The following CCSER1 variants were observed in gnomAD, a reference collection of about 807,000 sequenced individuals.
CCSER1 encodes coiled-coil serine rich protein 1.
A neutral mutation model predicts 82.0 loss-of-function variants in CCSER1; 41 were observed. The ratio of observed to expected loss-of-function variants is 0.50; its 90% CI spans 0.39 to 0.65. The LOEUF (loss-of-function observed/expected upper bound fraction) is 0.65. CCSER1 is among the 30% of genes least tolerant of loss of function. The pLI, the probability that CCSER1 is intolerant of heterozygous loss-of-function variation, is 0.00. For missense variants in CCSER1, 1,119 were observed against 1,064.2 expected (o/e 1.05, Z -0.72); for synonymous variants, 414 against 383.9 (o/e 1.08, Z -0.92).
chr4:90,273,022 C>A (rs368446646), intron 1 of CCSER1, among the ~76,000 whole-genome samples: 2,745 of 146,958 alleles, frequency 0.019, 82 homozygotes, highest in African/African-American at 0.065. Context: ...AACAAACAAA[C>A]AAAAAAAAAC....
chr4:91,433,897 A>C (rs1754478986), intron 10 of CCSER1, among the ~76,000 whole-genome samples: 1 of 152,230 alleles, frequency 6.6e-6, no homozygotes, highest in South Asian at 2.1e-4. Flanking sequence ...ATCAGTGTTT[A>C]TCACAGTACC....
chr4:90,648,274 G>GAGAAAGAAAGGAA lies in CCSER1; in HGVS notation c.1932+20053_1932+20065dup, dbSNP rs1324624431. Among the ~76,000 whole-genome samples the GAGAAAGAAAGGAA allele has an allele frequency of 1.7e-4, 17 of 100,798 alleles. 2 individuals carry two copies. Among genetic ancestry groups the GAGAAAGAAAGGAA allele is most frequent in the African/African-American group, 6.3e-4 (17 of 27,084 alleles). 66.1% of individuals were successfully genotyped at this position (100,798 alleles called of 152,430 possible). ...GAAAAAAAGAAGAAAGAAAGAGAGA[G>GAGAAAGAAAGGAA]AGAAAGAAAGGAAAGAAAGAAAGAA... On this transcript the variant is annotated intron_variant, in intron 6 of 10. Transcript: ENST00000509176.
chr4:91,455,381 G>A (rs1217718658), intron 10 of CCSER1, among the ~76,000 whole-genome samples: 1 of 151,988 alleles, frequency 6.6e-6, no homozygotes, highest in Non-Finnish European at 1.5e-5. Flanking sequence ...GGGTCTTTTG[G>A]AAAATGATTA....
chr4:90,558,021 G>T (rs1441815034), intron 5 of CCSER1, among the ~76,000 whole-genome samples: 1 of 152,070 alleles, frequency 6.6e-6, no homozygotes, highest in Non-Finnish European at 1.5e-5. Context: ...TTGCTGCTAG[G>T]TAACAGATAA....
chr4:90,132,176 C>T (rs1722929263), intron 1 of CCSER1, among the ~76,000 whole-genome samples: 1 of 152,104 alleles, frequency 6.6e-6, no homozygotes. Context: ...TGGAATGATT[C>T]CCCATGTAGT....
chr4:90,177,364 G>C (rs181427741), intron 1 of CCSER1, among the ~76,000 whole-genome samples: 2 of 152,122 alleles, frequency 1.3e-5, no homozygotes, highest in East Asian at 3.9e-4. Flanking sequence ...CTTTTTATTT[G>C]AAAGATTCCT....
intron 3 of CCSER1, among the ~76,000 whole-genome samples, chr4:90,313,531 T>A (rs1255704524): frequency 6.6e-6 from 1 of 152,168 alleles, no homozygotes; most frequent in East Asian, 1.9e-4. Context: ...AGGACCAATG[T>A]GAAATGCCCA....
chr4:90,137,839 A>G (rs139556141), intron 1 of CCSER1, among the ~76,000 whole-genome samples: 1 of 152,320 alleles, frequency 6.6e-6, no homozygotes, highest in African/African-American at 2.4e-5. Context: ...ATGCTACGTT[A>G]CTTAACTGCA....
intron 1 of CCSER1, among the ~76,000 whole-genome samples, chr4:90,283,396 G>T (rs2153461697): frequency 6.6e-6 from 1 of 151,716 alleles, no homozygotes; most frequent in African/African-American, 2.4e-5. Flanking sequence ...TATTTATGGG[G>T]TACATGTGAT....
At chr4:90,448,444 AAT>A (rs70963067) in intron 4 of CCSER1, among the ~76,000 whole-genome samples, 2,768 of 43,646 alleles carry the variant, frequency 0.063, 59 homozygotes, top group East Asian at 0.17. Flanking sequence ...AGGTGAATTG[AAT>A]ATATATATAT....
intron 10 of CCSER1, among the ~76,000 whole-genome samples, chr4:91,342,973 T>C (rs1382576014): frequency 6.6e-6 from 1 of 152,100 alleles, no homozygotes; most frequent in Non-Finnish European, 1.5e-5. Context: ...TATTTTTATA[T>C]GTAAGCAAAT....
At chr4:91,328,633 C>T (rs1746730679) in intron 10 of CCSER1, among the ~76,000 whole-genome samples, 1 of 152,098 alleles carries the variant, frequency 6.6e-6, no homozygotes, top group South Asian at 2.1e-4. Context: ...TATTTGTACT[C>T]ATTAATTAAC....
At chr4:90,794,614 T>C (rs1755732373) in intron 7 of CCSER1, among the ~76,000 whole-genome samples, 2 of 152,196 alleles carry the variant, frequency 1.3e-5, no homozygotes, top group Admixed American at 6.5e-5. Flanking sequence ...AGCTTTGTTC[T>C]TTTTGCTTAC....
At chr4:90,689,471 A>G (rs1007660273) in intron 6 of CCSER1, among the ~76,000 whole-genome samples, 2 of 152,216 alleles carry the variant, frequency 1.3e-5, no homozygotes, top group African/African-American at 4.8e-5. Flanking sequence ...GTTGATATAG[A>G]TAAAATTGAA....
At chr4:90,872,589 A>G (rs1047899593) in intron 8 of CCSER1, among the ~76,000 whole-genome samples, 1 of 151,838 alleles carries the variant, frequency 6.6e-6, no homozygotes, top group Admixed American at 6.6e-5. Context: ...GAATAGTTGT[A>G]GTTATTACTT....
intron 10 of CCSER1, among the ~76,000 whole-genome samples, chr4:91,201,749 T>G (rs1735916964): frequency 6.6e-6 from 1 of 152,042 alleles, no homozygotes; most frequent in Non-Finnish European, 1.5e-5. Flanking sequence ...AATGGTATTG[T>G]TGACTGGTAT....
At chr4:91,443,934 C>G (rs1428022957) in intron 10 of CCSER1, among the ~76,000 whole-genome samples, 1 of 151,354 alleles carries the variant, frequency 6.6e-6, no homozygotes, top group Admixed American at 6.6e-5. Flanking sequence ...TTAATAATAC[C>G]CTTATTGAAT....
At chr4:90,657,324 T>C (rs1346162737) in intron 6 of CCSER1, among the ~76,000 whole-genome samples, 1 of 152,154 alleles carries the variant, frequency 6.6e-6, no homozygotes, top group African/African-American at 2.4e-5. Flanking sequence ...GTGTCTTTTC[T>C]CTGGCGTCTT....
intron 5 of CCSER1, among the ~76,000 whole-genome samples, chr4:90,610,113 C>T (rs1022490441): frequency 4.6e-5 from 7 of 151,790 alleles, no homozygotes; most frequent in Non-Finnish European, 5.9e-5. Context: ...ATTAGCCGGG[C>T]GTGGTGGCGG....
Sources: gnomAD v4.1 joint callset for allele counts (sites outside exome capture counted in the v4.1 genomes callset) on GRCh38, gnomAD v4.1.1 for gene constraint, MANE v1.5 for transcripts, NCBI Gene and HGNC (gene_info 2026-07-23, HGNC 2026-07-21) for gene names.